Variants in KCNB2 observed in about 807,000 individuals in gnomAD.
KCNB2 encodes the protein potassium voltage-gated channel subfamily B member 2.
A neutral mutation model predicts 61.5 loss-of-function variants in KCNB2; 15 were observed. The ratio of observed to expected loss-of-function variants is 0.24; its 90% CI spans 0.16 to 0.38. KCNB2 has a LOEUF of 0.38. Among genes scored for constraint, KCNB2 ranks in the 10% least tolerant of loss-of-function variants. The pLI, the probability that KCNB2 is intolerant of heterozygous loss-of-function variation, is 1.00. For missense variants in KCNB2, 828 were observed against 1,125.2 expected (o/e 0.74, Z 3.78); for synonymous variants, 457 against 446.0 (o/e 1.02, Z -0.31).
intron 2 of KCNB2, among the ~76,000 whole-genome samples, chr8:72,778,383 C>T (rs1351205178): frequency 6.6e-6 from 1 of 152,058 alleles, no homozygotes; most frequent in Non-Finnish European, 1.5e-5. Context: ...GAAGAAGATA[C>T]ACCTCTTTAT....
intron 2 of KCNB2, among the ~76,000 whole-genome samples, chr8:72,790,564 G>T (rs950465991): frequency 5.3e-5 from 8 of 152,112 alleles, no homozygotes; most frequent in African/African-American, 2.4e-5. Context: ...CCTTGAGAAA[G>T]AATATGTTTT....
intron 2 of KCNB2, among the ~76,000 whole-genome samples, chr8:72,786,870 C>T (rs1808852901): frequency 6.6e-6 from 1 of 152,086 alleles, no homozygotes; most frequent in South Asian, 2.1e-4. Flanking sequence ...TTTCCATTTT[C>T]TTCTCATTAT....
At chr8:72,755,698 T>C (rs1291662849) in intron 2 of KCNB2, among the ~76,000 whole-genome samples, 1 of 152,178 alleles carries the variant, frequency 6.6e-6, no homozygotes, top group Non-Finnish European at 1.5e-5. Context: ...CCAAGAGGTC[T>C]TAGTTGTCAT....
rs13269421 is a variant in KCNB2 at position 72,852,077 on chromosome 8, T to A, written c.580-83858T>A. Among the ~76,000 whole-genome samples, 279 of 42,364 alleles carry A rather than the reference T, an allele frequency of 6.6e-3. 1 individual carries two copies. Among genetic ancestry groups the A allele is most frequent in the African/African-American group, 0.014 (262 of 18,796 alleles). The allele number at this position is 42,364 out of a possible 152,430, so 27.8% of individuals were successfully genotyped here. ...GAGGGAGACCCTGTTTCTAAAAAAA[T>A]TTAAAAAATAAAAAATAAAAAATTC... On this transcript the variant is annotated intron_variant, in intron 2 of 2. Coordinates refer to ENST00000523207, the MANE Select transcript of KCNB2 (RefSeq NM_004770.3).
At position 72,642,316 on chromosome 8, in the gene KCNB2, CTTTAT is replaced by C. The variant is rs747356835; in HGVS notation, c.579+74008_579+74012del. 6.6e-5 allele frequency among the ~76,000 whole-genome samples: 10 copies of C among 152,028 alleles called. No homozygotes were observed. In the East Asian group the frequency reaches 1.2e-3, roughly 18 times the overall value. ...GTATTAAATGAAATATGTTATTACA[CTTTAT>C]TTTACTTATTTGTTTTTACTTTTTA... is the stretch of plus-strand genomic sequence containing the variant. On this transcript the variant is annotated intron_variant, in intron 2 of 2. Coordinates refer to ENST00000523207, the MANE Select transcript of KCNB2 (RefSeq NM_004770.3).
intron 2 of KCNB2, among the ~76,000 whole-genome samples, chr8:72,677,967 G>T (rs531730709): frequency 1.3e-5 from 2 of 152,194 alleles, no homozygotes; most frequent in South Asian, 2.1e-4. Flanking sequence ...TTCAATTCAA[G>T]AATTGTCTAT....
chr8:72,788,535 T>C (rs1808880539), intron 2 of KCNB2, among the ~76,000 whole-genome samples: 1 of 152,086 alleles, frequency 6.6e-6, no homozygotes, highest in South Asian at 2.1e-4. Flanking sequence ...ACATATTATT[T>C]TTGGGGAGAC....
chr8:72,705,128 T>G lies in KCNB2; in HGVS notation c.579+136815T>G, dbSNP rs58314898. 6.4e-3 allele frequency among the ~76,000 whole-genome samples: 977 copies of G among 152,272 alleles called. 10 individuals are homozygous for G. Among genetic ancestry groups the G allele is most frequent in the African/African-American group, 0.022 (919 of 41,558 alleles). The stretch of plus-strand genomic sequence containing the variant: ...TATTTAGCTCAGATGGACCCTCTCT[T>G]TCTGCATGAGTGAGTCCCTTTGACA... On this transcript the variant is annotated intron_variant, in intron 2 of 2. Transcript: ENST00000523207.
At chr8:72,666,947 T>G (rs1033574726) in intron 2 of KCNB2, among the ~76,000 whole-genome samples, 2 of 151,996 alleles carry the variant, frequency 1.3e-5, no homozygotes, top group Non-Finnish European at 2.9e-5. Flanking sequence ...AACACAGGTT[T>G]TGGAGCAGGA....
At chr8:72,596,731 AAAC>A (rs1807197392) in intron 2 of KCNB2, among the ~76,000 whole-genome samples, 1 of 152,206 alleles carries the variant, frequency 6.6e-6, no homozygotes, top group Admixed American at 6.5e-5. Flanking sequence ...AGCCATATTA[AAAC>A]AACACAAAGT....
At chr8:72,746,108 A>G (rs550042565) in intron 2 of KCNB2, among the ~76,000 whole-genome samples, 1 of 152,288 alleles carries the variant, frequency 6.6e-6, no homozygotes, top group East Asian at 1.9e-4. Flanking sequence ...ATTTCATGGC[A>G]GGCTAGAGCT....
chr8:72,898,650 A>G (rs1283818486), intron 2 of KCNB2, among the ~76,000 whole-genome samples: 2 of 152,124 alleles, frequency 1.3e-5, no homozygotes, highest in East Asian at 3.9e-4. Flanking sequence ...CTAGAAATGT[A>G]CTTTTTTATT....
chr8:72,693,859 A>G (rs2128990364), intron 2 of KCNB2, among the ~76,000 whole-genome samples: 1 of 152,284 alleles, frequency 6.6e-6, no homozygotes, highest in Middle Eastern at 3.4e-3. Context: ...AAATCAGCAA[A>G]TTATCCTAAA....
intron 2 of KCNB2, among the ~76,000 whole-genome samples, chr8:72,921,783 G>GT (rs1806525579): frequency 6.6e-6 from 1 of 152,136 alleles, no homozygotes; most frequent in Admixed American, 6.5e-5. Flanking sequence ...TTAACAAATC[G>GT]TAACTATTTA....
At chr8:72,749,698 GTATACAAAAAAGTAA>G (rs1808151592) in intron 2 of KCNB2, among the ~76,000 whole-genome samples, 1 of 144,178 alleles carries the variant, frequency 6.9e-6, no homozygotes, top group Non-Finnish European at 1.5e-5. Context: ...AATATTTGGC[GTATACAAAAAAGTAA>G]TATATATATA....
intron 2 of KCNB2, among the ~76,000 whole-genome samples, chr8:72,825,191 T>C (rs1176322491): frequency 6.6e-6 from 1 of 152,238 alleles, no homozygotes; most frequent in Non-Finnish European, 1.5e-5. Context: ...CATAATATCT[T>C]CAAGTTTCAT....
chr8:72,701,292 C>A (rs770008638), intron 2 of KCNB2, among the ~76,000 whole-genome samples: 3 of 152,072 alleles, frequency 2.0e-5, no homozygotes, highest in Non-Finnish European at 4.4e-5. Flanking sequence ...AAACCAAAAC[C>A]AAACAGGCAC....
In KCNB2 at chr8:72,637,614, C is replaced by CCT. The variant is rs142576066; in HGVS notation, c.579+69315_579+69316dup. Among the ~76,000 whole-genome samples the CCT allele has an allele frequency of 3.2e-3, 490 of 151,152 alleles. 1 individual carries two copies. The highest frequency in any genetic ancestry group is 7.7e-3 in the Admixed American group (117 of 15,172). ...ATACGCCCCACCGTCACTGTTATAG[C>CCT]CTCTCTCTCTCTCTCACTTCTTTAA... On this transcript the variant is annotated intron_variant, in intron 2 of 2. Coordinates refer to ENST00000523207, the MANE Select transcript of KCNB2 (RefSeq NM_004770.3).
intron 2 of KCNB2, among the ~76,000 whole-genome samples, chr8:72,839,372 C>A (rs923973628): frequency 1.3e-5 from 2 of 152,070 alleles, no homozygotes; most frequent in Non-Finnish European, 2.9e-5. Context: ...CTTTTGAACA[C>A]CAATTGTATG....
Sources: gnomAD v4.1 joint callset for allele counts (sites outside exome capture counted in the v4.1 genomes callset) on GRCh38, gnomAD v4.1.1 for gene constraint, MANE v1.5 for transcripts, NCBI Gene and HGNC (gene_info 2026-07-23, HGNC 2026-07-21) for gene names.